RRP1B: variants seen among roughly 807,000 people sequenced by gnomAD.
RRP1B encodes ribosomal RNA processing 1B, also known as ribosomal RNA processing protein 1 homolog B.
RRP1B carries 56 observed loss-of-function variants against 80.2 expected under a neutral mutation model. That is an observed-to-expected ratio of 0.70 (90% confidence interval 0.56 to 0.87). The LOEUF is 0.87. Ranked by LOEUF, RRP1B falls within the 40% of genes least tolerant of loss-of-function variation. RRP1B has a pLI of 0.00. For synonymous variants in RRP1B, 351 were observed against 357.6 expected (o/e 0.98, Z 0.21); for missense variants, 807 against 939.8 (o/e 0.86, Z 1.85).
chr21:43,674,942 G>A (rs2083015561), intron 5 of RRP1B, 92 bp from the exon 6 acceptor site: 3 of 1,499,792 alleles, frequency 2.0e-6, no homozygotes, highest in Non-Finnish European at 2.7e-6. Flanking sequence ...GTTAGGCTGT[G>A]TAGGTTCTAG....
chr21:43,678,894 T>G (rs917555755), intron 8 of RRP1B, among the ~76,000 whole-genome samples: 1 of 152,236 alleles, frequency 6.6e-6, no homozygotes, highest in Non-Finnish European at 1.5e-5. Flanking sequence ...TTGTATGGTT[T>G]CAGGTCTTAT....
chr21:43,683,836 C>T (rs1308435048), intron 9 of RRP1B, among the ~76,000 whole-genome samples: 4 of 151,648 alleles, frequency 2.6e-5, no homozygotes, highest in Middle Eastern at 3.4e-3. Context: ...AAAATTAGCC[C>T]GACACCGTGG....
At chr21:43,660,735 G>A (rs1601748392) in intron 1 of RRP1B, among the ~76,000 whole-genome samples, 1 of 152,240 alleles carries the variant, frequency 6.6e-6, no homozygotes, top group African/African-American at 2.4e-5. Context: ...AGAGCTTCAC[G>A]TGCCCTAGGA....
chr21:43,672,172 A>G, intron 2 of RRP1B, 136 bp from the exon 3 acceptor site: 2 of 713,462 alleles, frequency 2.8e-6, no homozygotes, highest in Non-Finnish European at 5.1e-6. Context: ...ATTCGGATAC[A>G]TACTTCTTAG....
chr21:43,671,425 G>A (rs1033734879), intron 2 of RRP1B, among the ~76,000 whole-genome samples: 1 of 150,916 alleles, frequency 6.6e-6, no homozygotes, highest in African/African-American at 2.4e-5. Flanking sequence ...AAGTGCAGGG[G>A]TGCCATCATG....
At chr21:43,672,723 C>T (rs1037792019) in intron 3 of RRP1B, among the ~76,000 whole-genome samples, 7 of 152,174 alleles carry the variant, frequency 4.6e-5, no homozygotes, top group African/African-American at 1.7e-4. Context: ...ACATAGAAGA[C>T]ACCACCGGTC....
chr21:43,687,706 C>T lies in RRP1B; in HGVS notation c.1332C>T (p.Ala444=), dbSNP rs761874218. 11 of 1,610,852 alleles carry T rather than the reference C, an allele frequency of 6.8e-6. No individual in the cohort carries two copies. Among genetic ancestry groups the T allele is most frequent in the East Asian group, 2.2e-5 (1 of 44,856 alleles). The change falls in exon 13 of 16, where the codon GCC becomes GCT. Residue 444 remains alanine (A), a synonymous_variant. Coordinates refer to ENST00000340648, the MANE Select transcript of RRP1B (RefSeq NM_015056.3). The part of the protein sequence containing the change: ...SGLKALKARV[A]EPGAEATSST... Reference sequence around the variant, plus strand: ...TGAAAGCCCTGAAGGCACGTGTGGCCGAGCCAGGTGCAGAGGCCACGTCCA... The same window carrying T: ...TGAAAGCCCTGAAGGCACGTGTGGCTGAGCCAGGTGCAGAGGCCACGTCCA...
intron 4 of RRP1B, among the ~76,000 whole-genome samples, chr21:43,674,179 GTC>G (rs891264484): frequency 1.7e-4 from 26 of 152,198 alleles, no homozygotes; most frequent in African/African-American, 6.3e-4. Flanking sequence ...TTGAGACAGA[GTC>G]TCTCTTGCTC....
At chr21:43,687,370 C>A in intron 12 of RRP1B, 146 bp from the exon 13 acceptor site, 1 of 873,544 alleles carries the variant, frequency 1.1e-6, no homozygotes, top group Non-Finnish European at 1.7e-6. Context: ...GTAGTGGGCG[C>A]ACCAAGTACC....
chr21:43,684,721 A>C, intron 10 of RRP1B, 71 bp downstream of exon 10: 1 of 1,207,186 alleles, frequency 8.3e-7, no homozygotes, highest in Non-Finnish European at 1.2e-6. Flanking sequence ...GGGACAAGCC[A>C]TCTGCATGCT....
At chr21:43,664,102 AAC>A (rs200122942) in intron 1 of RRP1B, among the ~76,000 whole-genome samples, 3 of 151,900 alleles carry the variant, frequency 2.0e-5, no homozygotes, top group Non-Finnish European at 2.9e-5. Flanking sequence ...TTCCTAGGTG[AAC>A]ACACACACAC....
Position 43,671,917 on chromosome 21 carries a change from C to T in RRP1B, c.214-391C>T, listed in dbSNP as rs531275230. On this transcript the variant is annotated intron_variant, in intron 2 of 15. Transcript: ENST00000340648. The stretch of plus-strand genomic sequence containing the variant: ...GGTCAGGCTGGTCTTGAACTCCTGA[C>T]CTCAGGTGATCCACCTGCCTCGGCC... Among the ~76,000 whole-genome samples the T allele has an allele frequency of 4.6e-5, 7 of 150,744 alleles. No homozygotes were observed. In the East Asian group the frequency reaches 9.9e-4, roughly 21 times the overall value.
Position 43,690,545 on chromosome 21 carries a change from C to T in RRP1B, c.2019+105C>T, listed in dbSNP as rs150854701. 1.7e-4 allele frequency: 221 copies of T among 1,317,340 alleles called. No homozygotes were observed. The African/African-American group carries it at 2.4e-3, about 14-fold the overall frequency. The allele number at this position is 1,317,340 out of a possible 1,614,324, so 81.6% of individuals were successfully genotyped here. A position where few individuals can be genotyped will look rare whatever the true frequency, so the allele number is the denominator to read the frequency against. ...CCGGGCCTGGAGCCCCACTGTGGCCCTCTGAGCCTGTCCACAGTGGACAGG... is the reference window on the plus strand; with the variant it reads ...CCGGGCCTGGAGCCCCACTGTGGCCTTCTGAGCCTGTCCACAGTGGACAGG... On this transcript the variant is annotated intron_variant, in intron 14 of 15. Transcript: ENST00000340648.
Position 43,674,612 on chromosome 21 carries a change from TAAAC to T in RRP1B, c.358-20_358-17del. ...TTTTTTTTTTTTTTTTTTTTTTTTT[TAAAC>T]AAAAATTGCCTTTCTTTAGCTGATT... On this transcript the variant is annotated intron_variant, in intron 4 of 15. Coordinates refer to ENST00000340648, the MANE Select transcript of RRP1B (RefSeq NM_015056.3). 1 of 1,327,498 alleles carries T rather than the reference TAAAC, an allele frequency of 7.5e-7. No homozygotes were observed. The highest frequency in any genetic ancestry group is 1.0e-6 in the Non-Finnish European group (1 of 978,012). 82.2% of individuals were successfully genotyped at this position (1,327,498 alleles called of 1,614,324 possible).
intron 15 of RRP1B, among the ~76,000 whole-genome samples, chr21:43,692,587 G>C (rs1351470059): frequency 1.3e-5 from 2 of 151,476 alleles, no homozygotes; most frequent in East Asian, 3.9e-4. Context: ...TGACAGGCTG[G>C]GTGAGACTCC....
chr21:43,661,610 T>C (rs958428602), intron 1 of RRP1B, among the ~76,000 whole-genome samples: 2 of 152,236 alleles, frequency 1.3e-5, no homozygotes, highest in African/African-American at 4.8e-5. Context: ...ATTCCCCAAC[T>C]GGTCTCCTTA....
At chr21:43,680,120 A>G (rs534787557) in intron 8 of RRP1B, among the ~76,000 whole-genome samples, 3 of 152,254 alleles carry the variant, frequency 2.0e-5, no homozygotes, top group South Asian at 4.1e-4. Context: ...TAGGTATATG[A>G]TTGTATCATC....
At position 43,675,025 on chromosome 21, in the gene RRP1B, G is replaced by C; in HGVS notation, c.420-9G>C. ...TGTCATTCACAGAAGCATGCGTTTG[G>C]TTCTTTAGCCGAATCAAGGTTTTCT... On this transcript the variant is annotated splice_polypyrimidine_tract_variant and intron_variant, in intron 5 of 15. Transcript: ENST00000340648. 6.2e-7 allele frequency: 1 copy of C among 1,613,772 alleles called. No homozygotes were observed. Among genetic ancestry groups the C allele is most frequent in the Non-Finnish European group, 8.5e-7 (1 of 1,179,836 alleles).
At chr21:43,666,274 T>C (rs2082977700) in intron 1 of RRP1B, among the ~76,000 whole-genome samples, 1 of 152,264 alleles carries the variant, frequency 6.6e-6, no homozygotes, top group Non-Finnish European at 1.5e-5. Flanking sequence ...ACACAGTTTG[T>C]ACCTGCTCCC....
Sources: allele counts gnomAD v4.1 joint callset (sites outside exome capture counted in the v4.1 genomes callset), GRCh38; gene constraint gnomAD v4.1.1; transcripts MANE v1.5; gene names NCBI Gene and HGNC (gene_info 2026-07-23, HGNC 2026-07-21).